The following ARID4B variants were observed in gnomAD, a reference collection of about 807,000 sequenced individuals.
ARID4B encodes the protein AT-rich interactive domain-containing protein 4B.
ARID4B carries 26 observed loss-of-function variants against 147.5 expected under a neutral mutation model. That is an observed-to-expected ratio of 0.18 (90% CI 0.13 to 0.24). The LOEUF is 0.24. Among genes scored for constraint, ARID4B ranks in the 10% least tolerant of loss-of-function variants. ARID4B has a pLI of 1.00. For synonymous variants in ARID4B, 512 were observed against 507.9 expected (o/e 1.01, Z -0.11); for missense variants, 1,179 against 1,511.5 (o/e 0.78, Z 3.65).
At chr1:235,209,679 T>C (rs1244268350) in intron 17 of ARID4B, among the ~76,000 whole-genome samples, 11 of 151,044 alleles carry the variant, frequency 7.3e-5, no homozygotes, top group African/African-American at 2.7e-4. Flanking sequence ...TTCTCATGCC[T>C]CAGCCTCCCA....
At chr1:235,270,852 AATTAGAGG>A (rs892567970) in intron 2 of ARID4B, among the ~76,000 whole-genome samples, 3 of 140,788 alleles carry the variant, frequency 2.1e-5, no homozygotes, top group Non-Finnish European at 4.7e-5. Flanking sequence ...ATGATCTGGA[AATTAGAGG>A]AGCCTAGTGG....
At chr1:235,302,935 C>CTTTTTTT (rs71172294) in intron 2 of ARID4B, among the ~76,000 whole-genome samples, 5,956 of 149,832 alleles carry the variant, frequency 0.04, 438 homozygotes, top group African/African-American at 0.13. Flanking sequence ...TTCTTTTTTT[C>CTTTTTTT]TTTTTTTTGA....
intron 2 of ARID4B, among the ~76,000 whole-genome samples, chr1:235,298,984 C>A (rs150759783): frequency 1.1e-3 from 174 of 151,870 alleles, no homozygotes; most frequent in Non-Finnish European, 1.9e-3. Flanking sequence ...CAGTGGCATA[C>A]ACCTGTAATC....
Position 235,182,761 on chromosome 1 carries a change from C to T in ARID4B, c.2158G>A (p.Glu720Lys). 1.9e-6 allele frequency: 3 copies of T among 1,600,424 alleles called. No individual in the cohort carries two copies. Among genetic ancestry groups the T allele is most frequent in the Non-Finnish European group, 2.6e-6 (3 of 1,173,728 alleles). The change falls in exon 20 of 24, where the codon GAA becomes AAA. Residue 720 changes from glutamate to lysine, a missense_variant. Transcript: ENST00000264183. ...ATGTCTTGAGCACCTCTCTCATCTT[C>T]CTGCTCACTGTCTTCAGCAGAACTT... Reference protein sequence around the residue: ...SESSAEDSEQEDERGAQDMDN... With the variant: ...SESSAEDSEQKDERGAQDMDN...
chr1:235,273,508 T>C (rs1671123472), intron 2 of ARID4B, among the ~76,000 whole-genome samples: 1 of 152,210 alleles, frequency 6.6e-6, no homozygotes, highest in African/African-American at 2.4e-5. Context: ...AGAAAAAAGC[T>C]GCCAATTAAA....
intron 2 of ARID4B, among the ~76,000 whole-genome samples, chr1:235,323,204 AT>A (rs1413548984): frequency 4.0e-5 from 6 of 151,744 alleles, no homozygotes; most frequent in African/African-American, 1.5e-4. Flanking sequence ...TGCCCAGCTA[AT>A]TTTTTTATAC....
At chr1:235,199,037 T>G (rs993889152) in intron 17 of ARID4B, among the ~76,000 whole-genome samples, 3 of 152,062 alleles carry the variant, frequency 2.0e-5, no homozygotes, top group African/African-American at 7.2e-5. Flanking sequence ...AGGCGGAGGT[T>G]GCAGTGAGCC....
rs374399854 is a variant in ARID4B at position 235,258,230 on chromosome 1, G to A, written c.118-1005C>T. On this transcript the variant is annotated intron_variant, in intron 3 of 23. Transcript: ENST00000264183. Reference sequence around the variant, plus strand: ...CCTGTTAATCCCAGCTACTCCGGAGGCTTAGGCAGGAGAATCACTTGAACC... The same window carrying A: ...CCTGTTAATCCCAGCTACTCCGGAGACTTAGGCAGGAGAATCACTTGAACC... Among the ~76,000 whole-genome samples, 23 of 152,274 alleles carry A rather than the reference G, an allele frequency of 1.5e-4. 1 individual carries two copies. Among genetic ancestry groups the A allele is most frequent in the African/African-American group, 5.5e-4 (23 of 41,556 alleles).
intron 17 of ARID4B, among the ~76,000 whole-genome samples, chr1:235,203,897 TATA>T (rs1465724085): frequency 6.6e-6 from 1 of 152,232 alleles, no homozygotes; most frequent in African/African-American, 2.4e-5. Context: ...ATGAATTTTA[TATA>T]ATCTCAATTT....
chr1:235,244,063 T>G (rs1438105054), intron 7 of ARID4B, among the ~76,000 whole-genome samples: 4 of 152,170 alleles, frequency 2.6e-5, no homozygotes, highest in Non-Finnish European at 2.9e-5. Flanking sequence ...TGAGTAAATT[T>G]TATGATACAT....
chr1:235,177,804 T>G lies in ARID4B; in HGVS notation c.3444A>C (p.Lys1148Asn). 1 of 1,597,368 alleles carries G rather than the reference T, an allele frequency of 6.3e-7. No homozygotes were observed. Among genetic ancestry groups the G allele is most frequent in the Non-Finnish European group, 8.5e-7 (1 of 1,169,944 alleles). ...AATTAGAGATTTCACACTTACTGCC[T>G]TTTCCCTTCTTTTTGTTGTTTACCA... ...ATVVNNKKKG[K>N]GTNSSDSEEL... The change falls in exon 21 of 24, where the codon AAA (lysine) becomes AAC (asparagine). Residue 1148 changes from lysine to asparagine, a missense_variant. Physicochemically the swap from Lys to Asn is moderately conservative, Grantham distance 94. This residue lies in a region of ARID4B where 357 missense variants were observed against 427.3 expected (regional missense o/e 0.84). Transcript: ENST00000264183.
intron 2 of ARID4B, among the ~76,000 whole-genome samples, chr1:235,273,722 T>C (rs1193037837): frequency 1.3e-5 from 2 of 152,156 alleles, no homozygotes; most frequent in Admixed American, 6.5e-5. Context: ...AGTAAGAACA[T>C]TAATTCAATA....
rs1413083523 is a variant in ARID4B, at chr1:235,324,416, A to G, written c.6+2498T>C. On this transcript the variant is annotated intron_variant, in intron 2 of 23. Transcript: ENST00000264183. Reference sequence around the variant, plus strand: ...AATTCTTAAAGGTAGTACATGGGAAAACTGCTAAAACATACAACACTTCAA... The same window carrying G: ...AATTCTTAAAGGTAGTACATGGGAAGACTGCTAAAACATACAACACTTCAA... 2.0e-5 allele frequency among the ~76,000 whole-genome samples: 3 copies of G among 152,244 alleles called. No homozygotes were observed. In the East Asian group the frequency reaches 5.8e-4, roughly 29 times the overall value.
At chr1:235,209,616 T>G (rs1464286995) in intron 17 of ARID4B, among the ~76,000 whole-genome samples, 3 of 148,502 alleles carry the variant, frequency 2.0e-5, no homozygotes, top group Non-Finnish European at 4.4e-5. Context: ...CAGGCTGGAG[T>G]GCAATGGTGT....
chr1:235,193,575 A>G (rs1326465490), intron 19 of ARID4B, among the ~76,000 whole-genome samples: 1 of 152,210 alleles, frequency 6.6e-6, no homozygotes, highest in Non-Finnish European at 1.5e-5. Context: ...CTAAAAGTTG[A>G]ATATTAAATG....
At chr1:235,313,266 G>C (rs1275375502) in intron 2 of ARID4B, among the ~76,000 whole-genome samples, 1 of 152,052 alleles carries the variant, frequency 6.6e-6, no homozygotes, top group African/African-American at 2.4e-5. Context: ...CTGACCTCAA[G>C]TAATCTGCCA....
intron 19 of ARID4B, among the ~76,000 whole-genome samples, chr1:235,184,808 ATTTGT>A (rs1295481481): frequency 2.0e-5 from 3 of 151,944 alleles, no homozygotes; most frequent in East Asian, 1.9e-4. Flanking sequence ...ATAATATACT[ATTTGT>A]TTTATTTATT....
chr1:235,169,810 C>A (rs1008829430), intron 23 of ARID4B, among the ~76,000 whole-genome samples: 1 of 151,870 alleles, frequency 6.6e-6, no homozygotes, highest in African/African-American at 2.4e-5. Flanking sequence ...TACAGGCATG[C>A]GCCACCATGT....
At position 235,252,601 on chromosome 1, in the gene ARID4B, A is replaced by G. The variant is rs1463729162; in HGVS notation, c.354+129T>C. On this transcript the variant is annotated intron_variant, in intron 6 of 23. Coordinates refer to ENST00000264183, the MANE Select transcript of ARID4B (RefSeq NM_016374.6). Reference sequence around the variant, plus strand: ...GCCTTAAACAGGCTTCACAGATTACATCATAAGGGTATTGTGTATTAATGA... The same window carrying G: ...GCCTTAAACAGGCTTCACAGATTACGTCATAAGGGTATTGTGTATTAATGA... 3.8e-5 allele frequency: 24 copies of G among 639,074 alleles called. 1 individual carries two copies. In the South Asian group the frequency reaches 3.9e-4, roughly 10 times the overall value. 39.6% of individuals were successfully genotyped at this position (639,074 alleles called of 1,614,324 possible). A position where few individuals can be genotyped will look rare whatever the true frequency, so the allele number is the denominator to read the frequency against.
Sources: gnomAD v4.1 joint callset for allele counts (sites outside exome capture counted in the v4.1 genomes callset) on GRCh38, gnomAD v4.1.1 for gene constraint, gnomAD v4.1.1 regional missense constraint, MANE v1.5 for transcripts, NCBI Gene and HGNC (gene_info 2026-07-23, HGNC 2026-07-21) for gene names.